The following ERN1 variants were observed in gnomAD, a reference collection of about 807,000 sequenced individuals.
ERN1 encodes the protein endoplasmic reticulum to nucleus signaling 1, also known as serine/threonine-protein kinase/endoribonuclease IRE1.
Under a neutral mutation model 113.1 loss-of-function variants are expected in ERN1, and 39 were observed. The ratio of observed to expected loss-of-function variants is 0.34; its 90% confidence interval spans 0.27 to 0.45. The LOEUF (loss-of-function observed/expected upper bound fraction) is 0.45, where lower values mean the gene tolerates loss of function less well. Ranked by LOEUF, ERN1 falls within the 20% of genes least tolerant of loss-of-function variation. The pLI, the probability that ERN1 is intolerant of heterozygous loss-of-function variation, is 1.00. For synonymous variants in ERN1, 507 were observed against 515.9 expected (o/e 0.98, Z 0.23); for missense variants, 976 against 1,274.8 (o/e 0.77, Z 3.57).
intron 2 of ERN1, among the ~76,000 whole-genome samples, chr17:64,091,977 C>T (rs186814385): frequency 6.2e-4 from 94 of 152,284 alleles, no homozygotes; most frequent in African/African-American, 2.0e-3. Context: ...GCAGGCACAA[C>T]GCCACCACTA....
intron 1 of ERN1, among the ~76,000 whole-genome samples, chr17:64,109,609 C>A (rs1033582099): frequency 6.6e-6 from 1 of 152,300 alleles, no homozygotes; most frequent in Middle Eastern, 3.4e-3. Flanking sequence ...TGCAGATCAA[C>A]CAGTAGGGAC....
At chr17:64,119,105 T>C (rs1427501550) in intron 1 of ERN1, among the ~76,000 whole-genome samples, 1 of 152,132 alleles carries the variant, frequency 6.6e-6, no homozygotes, top group Non-Finnish European at 1.5e-5. Context: ...ATTGTTTTGA[T>C]TTCTTAAGCC....
intron 1 of ERN1, among the ~76,000 whole-genome samples, chr17:64,128,496 T>C (rs1915142629): frequency 6.6e-6 from 1 of 152,132 alleles, no homozygotes; most frequent in East Asian, 1.9e-4. Flanking sequence ...AGTTATTCAA[T>C]AACCAAACAC....
intron 1 of ERN1, among the ~76,000 whole-genome samples, chr17:64,099,675 C>G (rs562055171): frequency 1.3e-5 from 2 of 152,012 alleles, no homozygotes; most frequent in Non-Finnish European, 2.9e-5. Flanking sequence ...CCAGAAGGCC[C>G]GGCTACTCTC....
intron 11 of ERN1, among the ~76,000 whole-genome samples, chr17:64,058,777 C>T (rs971472982): frequency 6.6e-6 from 1 of 152,084 alleles, no homozygotes; most frequent in African/African-American, 2.4e-5. Context: ...GCTAAACCTC[C>T]CACACGCTCA....
chr17:64,053,211 C>G, intron 16 of ERN1, 61 bp downstream of exon 16: 1 of 1,412,962 alleles, frequency 7.1e-7, no homozygotes, highest in South Asian at 1.3e-5. Context: ...CTGGTTAGCC[C>G]CACCTGGGCC....
chr17:64,117,271 C>T (rs1453166602), intron 1 of ERN1, among the ~76,000 whole-genome samples: 4 of 151,768 alleles, frequency 2.6e-5, no homozygotes, highest in Non-Finnish European at 5.9e-5. Flanking sequence ...GGCGAAACCC[C>T]GTCTCTACTA....
At chr17:64,048,020 C>G (rs752395135) in intron 18 of ERN1, 35 bp from the exon 19 acceptor site, 1 of 1,582,416 alleles carries the variant, frequency 6.3e-7, no homozygotes, top group Admixed American at 1.8e-5. Flanking sequence ...TCATGACTAC[C>G]AGTCCAAAGC....
chr17:64,129,768 T>C (rs1011881744), intron 1 of ERN1: 11 of 417,296 alleles, frequency 2.6e-5, no homozygotes, highest in Admixed American at 9.0e-5. Context: ...GACGCCTCGG[T>C]GGGGCCGCGA....
chr17:64,048,104 C>A, intron 18 of ERN1, 119 bp from the exon 19 acceptor site: 1 of 955,854 alleles, frequency 1.0e-6, no homozygotes, highest in Non-Finnish European at 1.5e-6. Flanking sequence ...GAATTTATTC[C>A]AATAAAATAA....
chr17:64,071,149 A>AGGGG (rs1262024558), intron 6 of ERN1, among the ~76,000 whole-genome samples: 1 of 152,198 alleles, frequency 6.6e-6, no homozygotes, highest in Non-Finnish European at 1.5e-5. Flanking sequence ...GACAATGACG[A>AGGGG]GGGGTGAGAT....
chr17:64,109,414 A>G (rs1325657355), intron 1 of ERN1, among the ~76,000 whole-genome samples: 1 of 152,236 alleles, frequency 6.6e-6, no homozygotes, highest in East Asian at 1.9e-4. Flanking sequence ...TTAGGCTAGA[A>G]AAGAAGTACT....
intron 2 of ERN1, among the ~76,000 whole-genome samples, chr17:64,083,497 G>C (rs1230660749): frequency 6.6e-6 from 1 of 152,034 alleles, no homozygotes; most frequent in Admixed American, 6.6e-5. Context: ...TATGGGGCCC[G>C]ATAAGAATAA....
intron 1 of ERN1, among the ~76,000 whole-genome samples, chr17:64,114,345 T>G (rs1914750399): frequency 6.6e-6 from 1 of 152,222 alleles, no homozygotes. Context: ...TACTGGAAAC[T>G]GCGACAGCAT....
intron 2 of ERN1, among the ~76,000 whole-genome samples, chr17:64,095,830 T>G (rs1373845701): frequency 6.6e-6 from 1 of 152,210 alleles, no homozygotes; most frequent in Non-Finnish European, 1.5e-5. Flanking sequence ...CTAGACCTGC[T>G]GCCTCCTTCG....
At chr17:64,086,989 T>G (rs962617110) in intron 2 of ERN1, among the ~76,000 whole-genome samples, 3 of 152,194 alleles carry the variant, frequency 2.0e-5, no homozygotes, top group African/African-American at 7.2e-5. Flanking sequence ...ATTGTTTACC[T>G]CTGACAAAAA....
At chr17:64,110,780 G>A (rs1598086280) in intron 1 of ERN1, among the ~76,000 whole-genome samples, 1 of 152,230 alleles carries the variant, frequency 6.6e-6, no homozygotes, top group Non-Finnish European at 1.5e-5. Context: ...TATTATCTAG[G>A]CTTCTCTGAG....
intron 2 of ERN1, 103 bp from the exon 3 acceptor site, chr17:64,080,911 T>C (rs1429214712): frequency 2.0e-5 from 24 of 1,187,358 alleles, no homozygotes; most frequent in African/African-American, 3.1e-5. Context: ...AATAACTTTC[T>C]CCCTCCTGTT....
intron 4 of ERN1, among the ~76,000 whole-genome samples, chr17:64,077,209 G>A (rs568882348): frequency 6.6e-6 from 1 of 152,240 alleles, no homozygotes; most frequent in East Asian, 1.9e-4. Flanking sequence ...AAACACCCAA[G>A]TTAAAGTCCA....
Sources: allele counts gnomAD v4.1 joint callset (sites outside exome capture counted in the v4.1 genomes callset), GRCh38; gene constraint gnomAD v4.1.1; transcripts MANE v1.5; gene names NCBI Gene and HGNC (gene_info 2026-07-23, HGNC 2026-07-21).